The following USP6NL variants were observed in gnomAD, a reference collection of about 807,000 sequenced individuals.
USP6NL encodes the protein USP6 N-terminal like.
In USP6NL, 26 loss-of-function variants were observed where a neutral mutation model predicts 61.9. The ratio of observed to expected loss-of-function variants is 0.42; its 90% CI spans 0.31 to 0.58. The LOEUF (loss-of-function observed/expected upper bound fraction) is 0.58, where lower values mean the gene tolerates loss of function less well. Ranked by LOEUF, USP6NL falls within the 20% of genes least tolerant of loss-of-function variation. The pLI is 0.16. For synonymous variants in USP6NL, 432 were observed against 390.1 expected, an observed-to-expected ratio of 1.11 and a Z score of -1.27; for missense variants, 1,114 against 1,034.3, an observed-to-expected ratio of 1.08 and a Z score of -1.06.
At chr10:11,581,851 A>G (rs1837784200) in intron 2 of USP6NL, among the ~76,000 whole-genome samples, 2 of 152,076 alleles carry the variant, frequency 1.3e-5, no homozygotes, top group Admixed American at 1.3e-4. Context: ...CAGCTCATGC[A>G]ACCTTTGCTT....
In USP6NL at chr10:11,600,783, C is replaced by A. The variant is rs956928835; in HGVS notation, c.-83-3066G>T. On this transcript the variant is annotated intron_variant, in intron 1 of 14. Transcript: ENST00000609104. The surrounding 1 kb of genome is among the most constrained non-coding windows in gnomAD (Gnocchi z 4.1). ...AGGAGTTCAAGACCAGCCTGGCCAA[C>A]ATGGTGAAACCCTGTCTCTACTAAA... Among the ~76,000 whole-genome samples, 1 of 152,138 alleles carries A rather than the reference C, an allele frequency of 6.6e-6. No individual in the cohort carries two copies. Among genetic ancestry groups the A allele is most frequent in the African/African-American group, 2.4e-5 (1 of 41,426 alleles).
chr10:11,495,067 C>T lies in USP6NL; in HGVS notation c.385-1839G>A, dbSNP rs908407942. On this transcript the variant is annotated intron_variant, in intron 7 of 14. Coordinates refer to ENST00000609104, the MANE Select transcript of USP6NL (RefSeq NM_014688.5). The surrounding 1 kb of genome is among the most constrained non-coding windows in gnomAD (Gnocchi z 4.6). ...TGACACTTACGCTACTGCTAGACCTCGGTCCGCCTGGCAACGGGCGTCTTC... is the reference window on the plus strand; with the variant it reads ...TGACACTTACGCTACTGCTAGACCTTGGTCCGCCTGGCAACGGGCGTCTTC... 3.9e-4 allele frequency among the ~76,000 whole-genome samples: 60 copies of T among 152,346 alleles called. No individual in the cohort carries two copies. The highest frequency in any genetic ancestry group is 1.6e-3 in the Admixed American group (25 of 15,302).
intron 2 of USP6NL, among the ~76,000 whole-genome samples, chr10:11,531,668 T>TAAA (rs71511388): frequency 2.9e-5 from 4 of 137,174 alleles, no homozygotes; most frequent in Non-Finnish European, 1.6e-5. Flanking sequence ...GATGTTTGTT[T>TAAA]AAAAAAAAAA....
Position 11,548,181 on chromosome 10 carries a change from T to C in USP6NL, c.5-20614A>G. 6.6e-6 allele frequency among the ~76,000 whole-genome samples: 1 copy of C among 152,222 alleles called. No individual in the cohort carries two copies. Among genetic ancestry groups the C allele is most frequent in the East Asian group, 1.9e-4 (1 of 5,202 alleles). ...ATTAGGCTTTTCCACATGAGAGGCC[T>C]GTAAATACAAAACTCTGACATATTC... On this transcript the variant is annotated intron_variant, in intron 2 of 14. Coordinates refer to ENST00000609104, the MANE Select transcript of USP6NL (RefSeq NM_014688.5). The surrounding 1 kb of genome is among the most constrained non-coding windows in gnomAD (Gnocchi z 4.3).
chr10:11,553,001 T>C lies in USP6NL; in HGVS notation c.5-25434A>G, dbSNP rs1299442942. ...ACCTCCCACCTTTTGGAGTCTCCAATGTGTGTTCCTCTCTCTATGACTATG... is the reference window on the plus strand; with the variant it reads ...ACCTCCCACCTTTTGGAGTCTCCAACGTGTGTTCCTCTCTCTATGACTATG... On this transcript the variant is annotated intron_variant, in intron 2 of 14. Transcript: ENST00000609104. The surrounding 1 kb of genome is among the most constrained non-coding windows in gnomAD (Gnocchi z 4.8). Among the ~76,000 whole-genome samples, 2 of 152,188 alleles carry C rather than the reference T, an allele frequency of 1.3e-5. No individual in the cohort carries two copies. The highest frequency in any genetic ancestry group is 6.5e-5 in the Admixed American group (1 of 15,280).
chr10:11,583,282 G>A (rs1046565870), intron 2 of USP6NL, among the ~76,000 whole-genome samples: 2 of 148,878 alleles, frequency 1.3e-5, no homozygotes, highest in Non-Finnish European at 3.0e-5. Context: ...TCCGCCTCCC[G>A]GGTTCACGCC....
chr10:11,563,281 G>T (rs138087273), intron 2 of USP6NL: 2 of 152,162 alleles, frequency 1.3e-5, no homozygotes, highest in Non-Finnish European at 2.9e-5. Flanking sequence ...GTGCAGGGAG[G>T]TGTGGGAAGG....
intron 2 of USP6NL, among the ~76,000 whole-genome samples, chr10:11,533,726 T>A (rs148235839): frequency 8.5e-5 from 13 of 152,342 alleles, no homozygotes; most frequent in African/African-American, 3.1e-4. Context: ...ACCCATTAAA[T>A]GATACATCTG....
intron 2 of USP6NL, among the ~76,000 whole-genome samples, chr10:11,593,058 T>C (rs1838205183): frequency 1.3e-5 from 2 of 152,156 alleles, no homozygotes; most frequent in South Asian, 4.1e-4. Flanking sequence ...AAAAACTCAT[T>C]TCATTATTTA....
chr10:11,560,171 A>G (rs957984291), intron 2 of USP6NL, among the ~76,000 whole-genome samples: 23 of 152,212 alleles, frequency 1.5e-4, no homozygotes, highest in African/African-American at 4.1e-4. Context: ...GTCTTCTATA[A>G]TAACAGTCAC....
intron 2 of USP6NL, among the ~76,000 whole-genome samples, chr10:11,593,073 A>T (rs2133648572): frequency 6.6e-6 from 1 of 152,328 alleles, no homozygotes; most frequent in South Asian, 2.1e-4. Context: ...TATTTAGAAC[A>T]AAGGGCAGAA....
intron 1 of USP6NL, among the ~76,000 whole-genome samples, chr10:11,606,918 T>A (rs536747835): frequency 4.6e-5 from 7 of 151,862 alleles, no homozygotes; most frequent in African/African-American, 1.4e-4. Context: ...AGCCTCCGAG[T>A]AGCTGGGACC....
intron 2 of USP6NL, among the ~76,000 whole-genome samples, chr10:11,572,076 A>C (rs1399753319): frequency 2.0e-5 from 3 of 151,820 alleles, no homozygotes; most frequent in African/African-American, 7.2e-5. Context: ...GCATTTTAAA[A>C]GGCACAAAAA....
In USP6NL at chr10:11,463,128, G is replaced by C. The variant is rs575085267; in HGVS notation, c.1800C>G (p.Ser600=). The C allele has an allele frequency of 4.6e-5, 74 of 1,613,958 alleles. 1 individual carries two copies. In the South Asian group the frequency reaches 7.4e-4, roughly 16 times the overall value. The change falls in exon 15 of 15, where the codon TCC becomes TCG. Residue 600 remains serine, a synonymous_variant. Transcript: ENST00000609104. The surrounding 1 kb of genome is among the most constrained non-coding windows in gnomAD (Gnocchi z 6.3). ...AEPSSSPSKV[S]NKFTFKVQPP... ...GCTGTACTTTAAAAGTAAACTTGTT[G>C]GATACTTTTGATGGACTAGAACTTG...
Position 11,599,826 on chromosome 10 carries a change from AT to A in USP6NL, c.-83-2110del, listed in dbSNP as rs545013987. On this transcript the variant is annotated intron_variant, in intron 1 of 14. Coordinates refer to ENST00000609104, the MANE Select transcript of USP6NL (RefSeq NM_014688.5). ...AGGGACCTGCCACCACGCCCGGCTAATTTTTTGTATTTTTCACAGAGACAGC... is the reference window on the plus strand; with the variant it reads ...AGGGACCTGCCACCACGCCCGGCTAATTTTTGTATTTTTCACAGAGACAGC... 3.4e-4 allele frequency among the ~76,000 whole-genome samples: 51 copies of A among 151,120 alleles called. No individual in the cohort carries two copies. The Middle Eastern group carries it at 0.01, about 30-fold the overall frequency.
chr10:11,526,709 A>T (rs1034963814), intron 3 of USP6NL, among the ~76,000 whole-genome samples: 2 of 152,186 alleles, frequency 1.3e-5, no homozygotes, highest in African/African-American at 4.8e-5. Context: ...ACAGATACAT[A>T]ATTACAAGCA....
intron 2 of USP6NL, among the ~76,000 whole-genome samples, chr10:11,568,245 G>T (rs907171798): frequency 2.0e-5 from 3 of 151,946 alleles, no homozygotes; most frequent in African/African-American, 7.3e-5. Context: ...TAATTCAAGA[G>T]GTTACCATAA....
chr10:11,579,550 T>C (rs1261896910), intron 2 of USP6NL, among the ~76,000 whole-genome samples: 1 of 152,172 alleles, frequency 6.6e-6, no homozygotes, highest in Non-Finnish European at 1.5e-5. Context: ...CTACAGGAAC[T>C]TCCCCATTTT....
Position 11,485,111 on chromosome 10 carries a change from G to A in USP6NL, c.826-41C>T. On this transcript the variant is annotated intron_variant, in intron 12 of 14. Transcript: ENST00000609104. The surrounding 1 kb of genome is among the most constrained non-coding windows in gnomAD (Gnocchi z 4.8). ...AAACAAAACAAAAATAGGGTTAACA[G>A]CTTCCCCTCACCTTGTATTTATAAT... 2 of 1,537,606 alleles carry A rather than the reference G, an allele frequency of 1.3e-6. No homozygotes were observed. Among genetic ancestry groups the A allele is most frequent in the Non-Finnish European group, 1.8e-6 (2 of 1,140,802 alleles).
Sources: allele counts gnomAD v4.1 joint callset (sites outside exome capture counted in the v4.1 genomes callset), GRCh38; gene constraint gnomAD v4.1.1; non-coding constraint Gnocchi (gnomAD v3.1); transcripts MANE v1.5; gene names NCBI Gene and HGNC (gene_info 2026-07-23, HGNC 2026-07-21).